ASTN1: variants seen among roughly 807,000 people sequenced by gnomAD.
ASTN1 encodes astrotactin-1.
Under a neutral mutation model 140.7 loss-of-function variants are expected in ASTN1, and 41 were observed. The observed-to-expected ratio is 0.29, with a 90% CI of 0.23 to 0.38. ASTN1 has a LOEUF of 0.38. ASTN1 is among the 10% of genes least tolerant of loss of function. The pLI, the probability that ASTN1 is intolerant of heterozygous loss-of-function variation, is 1.00. For synonymous variants in ASTN1, 640 were observed against 652.2 expected (o/e 0.98, Z 0.29); for missense variants, 1,479 against 1,678.8 (o/e 0.88, Z 2.08).
intron 11 of ASTN1, among the ~76,000 whole-genome samples, chr1:176,955,285 A>G (rs1672354401): frequency 6.6e-6 from 1 of 151,900 alleles, no homozygotes; most frequent in Non-Finnish European, 1.5e-5. Flanking sequence ...ACAAGGGACC[A>G]CTCTGCTGAT....
chr1:176,968,183 G>T (rs1672965062), intron 8 of ASTN1, among the ~76,000 whole-genome samples: 1 of 152,228 alleles, frequency 6.6e-6, no homozygotes, highest in Non-Finnish European at 1.5e-5. Context: ...TGACAAAGTT[G>T]TTATGAGGAG....
chr1:177,002,472 T>C (rs228014), intron 8 of ASTN1, among the ~76,000 whole-genome samples: 87,244 of 151,586 alleles, frequency 0.58, 25,682 homozygotes, highest in African/African-American at 0.65. Context: ...AAAAGTATTA[T>C]AGCTAAACAA....
chr1:177,137,758 C>T (rs1286819509), intron 1 of ASTN1, among the ~76,000 whole-genome samples: 1 of 152,198 alleles, frequency 6.6e-6, no homozygotes, highest in Admixed American at 6.5e-5. Flanking sequence ...CCTGGGTCTC[C>T]TGCCTCTTAG....
intron 1 of ASTN1, among the ~76,000 whole-genome samples, chr1:177,110,812 G>A (rs1230869992): frequency 6.6e-6 from 1 of 152,108 alleles, no homozygotes; most frequent in African/African-American, 2.4e-5. Flanking sequence ...GTTACACCAA[G>A]GTCCACTGTA....
At chr1:177,043,940 A>G (rs939680986) in intron 2 of ASTN1, among the ~76,000 whole-genome samples, 1 of 151,984 alleles carries the variant, frequency 6.6e-6, no homozygotes, top group East Asian at 1.9e-4. Context: ...AAAAATTATT[A>G]AATTGAATTT....
At chr1:176,982,442 A>AACCTCGGCG (rs1218517629) in intron 8 of ASTN1, among the ~76,000 whole-genome samples, 1 of 152,180 alleles carries the variant, frequency 6.6e-6, no homozygotes, top group Non-Finnish European at 1.5e-5. Flanking sequence ...GCTTATTAAA[A>AACCTCGGCG]TGTGAATTTC....
At chr1:177,028,979 G>C (rs1489372908) in intron 5 of ASTN1, among the ~76,000 whole-genome samples, 1 of 152,180 alleles carries the variant, frequency 6.6e-6, no homozygotes, top group East Asian at 1.9e-4. Context: ...TGGGAGCTGT[G>C]GCCGGAATAG....
At chr1:177,068,407 T>C (rs959402971) in intron 1 of ASTN1, among the ~76,000 whole-genome samples, 7 of 152,316 alleles carry the variant, frequency 4.6e-5, no homozygotes, top group Admixed American at 1.3e-4. Flanking sequence ...AATAGAAATA[T>C]CCACTTGTGA....
chr1:177,136,528 A>G (rs986957732), intron 1 of ASTN1, among the ~76,000 whole-genome samples: 3 of 151,654 alleles, frequency 2.0e-5, no homozygotes, highest in African/African-American at 7.3e-5. Context: ...TAATTTTTGC[A>G]TTTTTAGTAG....
At position 176,985,162 on chromosome 1, in the gene ASTN1, T is replaced by C. The variant is rs1405366025; in HGVS notation, c.1524-19925A>G. ...TGTTCCGTGTGCACTGAAGGCCCTC[T>C]GTCACTTTCATCTGCCAGGGGTAAA... On this transcript the variant is annotated intron_variant, in intron 8 of 22. Coordinates refer to ENST00000361833, the MANE Select transcript of ASTN1 (RefSeq NM_004319.3). Among the ~76,000 whole-genome samples the C allele has an allele frequency of 3.3e-5, 5 of 152,240 alleles. No homozygotes were observed. In the East Asian group the frequency reaches 9.6e-4, roughly 29 times the overall value.
intron 2 of ASTN1, among the ~76,000 whole-genome samples, chr1:177,058,908 C>T (rs779964777): frequency 2.0e-5 from 3 of 151,890 alleles, no homozygotes; most frequent in Non-Finnish European, 2.9e-5. Flanking sequence ...TGGTAGGGTG[C>T]TTCCTACACT....
chr1:176,898,800 C>T (rs962081824), intron 16 of ASTN1, among the ~76,000 whole-genome samples: 2 of 152,204 alleles, frequency 1.3e-5, no homozygotes, highest in African/African-American at 4.8e-5. Flanking sequence ...GGCATCTTCC[C>T]TCTTCTACCC....
intron 1 of ASTN1, among the ~76,000 whole-genome samples, chr1:177,071,866 A>G (rs1678654283): frequency 6.6e-6 from 1 of 152,222 alleles, no homozygotes; most frequent in South Asian, 2.1e-4. Flanking sequence ...AGCCTGAGAA[A>G]GTGGAGTGTA....
Position 176,975,070 on chromosome 1 carries a change from GAGA to G in ASTN1, c.1524-9836_1524-9834del, listed in dbSNP as rs552156592. Among the ~76,000 whole-genome samples, 10 of 152,346 alleles carry G rather than the reference GAGA, an allele frequency of 6.6e-5. No homozygotes were observed. The South Asian group carries it at 2.1e-3, about 32-fold the overall frequency. ...GCAGAGTTCATCTGTCCCCACATGG[GAGA>G]AGCTTAGCCCAGAGAACTGTAGTTT... On this transcript the variant is annotated intron_variant, in intron 8 of 22. Transcript: ENST00000361833.
chr1:177,046,755 T>C lies in ASTN1; in HGVS notation c.472-13906A>G, dbSNP rs574009773. ...TGTGACAGCCTTCCCCTAAGGTTCC[T>C]GTTCCATGAATATGTGAAGGGAGGA... On this transcript the variant is annotated intron_variant, in intron 2 of 22. Transcript: ENST00000361833. 8.6e-4 allele frequency among the ~76,000 whole-genome samples: 131 copies of C among 152,322 alleles called. 1 individual carries two copies. Among genetic ancestry groups the C allele is most frequent in the Middle Eastern group, 3.4e-3 (1 of 294 alleles).
In ASTN1 at chr1:176,884,402, C is replaced by T. The variant is rs1668942860; in HGVS notation, c.3163G>A (p.Val1055Ile). 4 of 1,614,068 alleles carry T rather than the reference C, an allele frequency of 2.5e-6. No homozygotes were observed. The African/African-American group carries it at 4.0e-5, about 16-fold the overall frequency. Residue 1055 changes from valine to isoleucine, a missense_variant, in exon 19 of 23, where the codon GTA becomes ATA. This residue lies in a region of ASTN1 where 746 missense variants were observed against 800.9 expected (regional missense o/e 0.93). Transcript: ENST00000361833. ...HSEPPIGVQI[V>I]DYLLRQEKVT... ...TTCTCTTGACGGAGGAGGTAATCTA[C>T]AATCTGCACCCCGATTGGTGGCTCT... is the stretch of plus-strand genomic sequence containing the variant.
chr1:176,998,067 T>C (rs1041583055), intron 8 of ASTN1, among the ~76,000 whole-genome samples: 3 of 152,244 alleles, frequency 2.0e-5, no homozygotes, highest in Admixed American at 6.5e-5. Flanking sequence ...TCTATCCTAA[T>C]AGCTCACATG....
At chr1:177,148,270 T>A (rs990149007) in intron 1 of ASTN1, among the ~76,000 whole-genome samples, 1 of 151,780 alleles carries the variant, frequency 6.6e-6, no homozygotes, top group African/African-American at 2.4e-5. Context: ...TACAAAAAAT[T>A]AGCCGGGCGT....
chr1:176,918,962 C>T (rs1438134684), intron 16 of ASTN1, among the ~76,000 whole-genome samples: 1 of 152,166 alleles, frequency 6.6e-6, no homozygotes, highest in South Asian at 2.1e-4. Flanking sequence ...AGACACCTGT[C>T]CTCTGGCTCA....
Sources: gnomAD v4.1 joint callset for allele counts (sites outside exome capture counted in the v4.1 genomes callset) on GRCh38, gnomAD v4.1.1 for gene constraint, gnomAD v4.1.1 regional missense constraint, MANE v1.5 for transcripts, NCBI Gene and HGNC (gene_info 2026-07-23, HGNC 2026-07-21) for gene names.